FXR1: variants seen among roughly 807,000 people sequenced by gnomAD.
FXR1 encodes the protein FMR1 autosomal homolog 1.
Under a neutral mutation model 84.0 loss-of-function variants are expected in FXR1, and 15 were observed. The observed-to-expected ratio is 0.18, with a 90% CI of 0.12 to 0.27. The LOEUF (loss-of-function observed/expected upper bound fraction) is 0.27, where lower values mean the gene tolerates loss of function less well. FXR1 is among the 10% of genes least tolerant of loss of function. The pLI, the probability that FXR1 is intolerant of heterozygous loss-of-function variation, is 1.00. For synonymous variants in FXR1, 245 were observed against 250.7 expected, an observed-to-expected ratio of 0.98 and a Z score of 0.21; for missense variants, 480 against 774.4, an observed-to-expected ratio of 0.62 and a Z score of 4.51.
At chr3:180,926,763 T>C (rs981705753) in intron 1 of FXR1, among the ~76,000 whole-genome samples, 8 of 151,962 alleles carry the variant, frequency 5.3e-5, no homozygotes, top group African/African-American at 1.9e-4. Context: ...TTTACTCCTT[T>C]ATAAGGAATG....
Position 180,963,169 on chromosome 3 carries a change from T to C in FXR1, c.1198+79T>C. The C allele has an allele frequency of 4.6e-6, 3 of 653,452 alleles. No individual in the cohort carries two copies. The South Asian group carries it at 5.7e-5, about 12-fold the overall frequency. 40.5% of individuals were successfully genotyped at this position (653,452 alleles called of 1,614,324 possible). A position where few individuals can be genotyped will look rare whatever the true frequency, so the allele number is the denominator to read the frequency against. On this transcript the variant is annotated intron_variant, in intron 13 of 16. Transcript: ENST00000357559. ...AGTTTAGGTGCTCTAACACATTTTC[T>C]TATAATTAGTTCATTACTCTGTCTT... is the stretch of plus-strand genomic sequence containing the variant.
rs1217993143 is a variant in FXR1 at position 180,982,264 on chromosome 3, C to A, written c.*5972C>A. On this transcript the variant is annotated 3_prime_UTR_variant, in exon 17 of 17. Coordinates refer to ENST00000357559, the MANE Select transcript of FXR1 (RefSeq NM_005087.4). ...CTGTAAGTACTCAAATGTTACAGAT[C>A]CAAGTATTTTGTAAGAAAATACCAG... 2 of 152,034 alleles carry A rather than the reference C, an allele frequency of 1.3e-5. No homozygotes were observed. The highest frequency in any genetic ancestry group is 1.3e-4 in the Admixed American group (2 of 15,254). 9.4% of individuals were successfully genotyped at this position (152,034 alleles called of 1,614,324 possible).
rs1714531917 is a variant in FXR1, at chr3:180,979,921, A to G, written c.*3629A>G. On this transcript the variant is annotated 3_prime_UTR_variant, in exon 17 of 17. Coordinates refer to ENST00000357559, the MANE Select transcript of FXR1 (RefSeq NM_005087.4). Reference sequence around the variant, plus strand: ...GTAAGGTACACAAAAATTCCCCTGGAAAAACTATATTCTAGTTTTGTAAGA... The same window carrying G: ...GTAAGGTACACAAAAATTCCCCTGGGAAAACTATATTCTAGTTTTGTAAGA... 1 of 152,106 alleles carries G rather than the reference A, an allele frequency of 6.6e-6. No homozygotes were observed. The highest frequency in any genetic ancestry group is 2.4e-5 in the African/African-American group (1 of 41,440). 9.4% of individuals were successfully genotyped at this position (152,106 alleles called of 1,614,324 possible).
chr3:180,923,225 A>T (rs1718789334), intron 1 of FXR1, among the ~76,000 whole-genome samples: 1 of 152,052 alleles, frequency 6.6e-6, no homozygotes, highest in Admixed American at 6.6e-5. Flanking sequence ...CACTTCTAGG[A>T]TTGGGATGAG....
chr3:180,972,774 G>A (rs1030428928), intron 15 of FXR1, among the ~76,000 whole-genome samples: 3 of 152,026 alleles, frequency 2.0e-5, no homozygotes, highest in Non-Finnish European at 2.9e-5. Flanking sequence ...TACTTCTTTG[G>A]GATTACTACT....
chr3:180,944,504 T>A (rs1412311551), intron 3 of FXR1, among the ~76,000 whole-genome samples: 1 of 151,890 alleles, frequency 6.6e-6, no homozygotes, highest in Non-Finnish European at 1.5e-5. Context: ...AAAAAATTTT[T>A]TTTATAGAGA....
chr3:180,968,301 T>A, intron 14 of FXR1, 47 bp downstream of exon 14: 1 of 1,327,180 alleles, frequency 7.5e-7, no homozygotes, highest in Non-Finnish European at 1.1e-6. Flanking sequence ...GTAAACAGTT[T>A]AATTTTACAA....
intron 7 of FXR1, among the ~76,000 whole-genome samples, chr3:180,950,084 A>G (rs1305535281): frequency 3.3e-5 from 5 of 152,156 alleles, no homozygotes; most frequent in African/African-American, 9.7e-5. Flanking sequence ...GCTTATCATT[A>G]TATCTCTGTC....
In FXR1 at chr3:180,935,181, C is replaced by A; in HGVS notation, c.148C>A (p.Pro50Thr). The A allele has an allele frequency of 1.3e-6, 2 of 1,577,716 alleles. No individual in the cohort carries two copies. The highest frequency in any genetic ancestry group is 1.7e-6 in the Non-Finnish European group (2 of 1,147,258). ...RQVPFNEVRLPPPPDIKKEIS... is the reference protein window; with the variant it reads ...RQVPFNEVRLTPPPDIKKEIS... ...GGTTCCATTTAATGAAGTTAGATTA[C>A]CACCACCACCTGATATAAAAAAAGA... The change falls in exon 3 of 17, where the codon CCA becomes ACA. Residue 50 changes from proline to threonine, a missense_variant. Coordinates refer to ENST00000357559, the MANE Select transcript of FXR1 (RefSeq NM_005087.4).
chr3:180,939,361 T>C (rs1720878667), intron 3 of FXR1, among the ~76,000 whole-genome samples: 1 of 152,204 alleles, frequency 6.6e-6, no homozygotes, highest in Non-Finnish European at 1.5e-5. Flanking sequence ...TTAAAATTTT[T>C]CTGGGATTGT....
intron 16 of FXR1, among the ~76,000 whole-genome samples, 169 bp downstream of exon 16, chr3:180,975,573 C>T (rs1714136962): frequency 6.6e-6 from 1 of 152,032 alleles, no homozygotes; most frequent in Non-Finnish European, 1.5e-5. Flanking sequence ...TAAAGATATG[C>T]ATGCTTGAGC....
intron 1 of FXR1, among the ~76,000 whole-genome samples, chr3:180,917,088 G>A (rs991418416): frequency 5.3e-5 from 8 of 152,090 alleles, no homozygotes; most frequent in African/African-American, 1.2e-4. Context: ...TGTCCGCCTC[G>A]GCGTCCCAAG....
intron 1 of FXR1, among the ~76,000 whole-genome samples, chr3:180,922,522 G>T (rs1483837346): frequency 2.0e-5 from 3 of 152,080 alleles, no homozygotes; most frequent in Non-Finnish European, 4.4e-5. Context: ...GGTGTCCTTT[G>T]TCAGTTTTGA....
chr3:180,926,500 A>ATTTTT (rs1261585777), intron 1 of FXR1, among the ~76,000 whole-genome samples: 1 of 51,866 alleles, frequency 1.9e-5, no homozygotes, highest in African/African-American at 1.7e-4. Context: ...ATATATATAT[A>ATTTTT]TATATATTTT....
chr3:180,961,949 GAC>G (rs1487812162), intron 11 of FXR1, among the ~76,000 whole-genome samples: 1 of 152,138 alleles, frequency 6.6e-6, no homozygotes, highest in African/African-American at 2.4e-5. Context: ...AACCAGGAGT[GAC>G]ATTGGGCTTC....
At chr3:180,920,657 A>G (rs1171752228) in intron 1 of FXR1, among the ~76,000 whole-genome samples, 2 of 151,950 alleles carry the variant, frequency 1.3e-5, no homozygotes, top group East Asian at 3.9e-4. Context: ...GATTACAGCC[A>G]TGCACCACCA....
At chr3:180,958,071 A>G (rs1481667880) in intron 10 of FXR1, 143 bp downstream of exon 10, 2 of 452,054 alleles carry the variant, frequency 4.4e-6, no homozygotes, top group Non-Finnish European at 8.0e-6. Flanking sequence ...TATTTCATAC[A>G]CTTAGAAAAC....
chr3:180,933,228 C>A, intron 1 of FXR1, 106 bp from the exon 2 acceptor site: 1 of 677,594 alleles, frequency 1.5e-6, no homozygotes. Flanking sequence ...TAATTCCAAA[C>A]CTTGTGTTCT....
intron 1 of FXR1, among the ~76,000 whole-genome samples, chr3:180,916,929 G>A (rs1369435256): frequency 2.6e-5 from 4 of 152,230 alleles, no homozygotes; most frequent in Admixed American, 2.6e-4. Flanking sequence ...CTGACTCAGT[G>A]GTTCAAGCGA....
Sources: gnomAD v4.1 joint callset for allele counts (sites outside exome capture counted in the v4.1 genomes callset) on GRCh38, gnomAD v4.1.1 for gene constraint, MANE v1.5 for transcripts, NCBI Gene and HGNC (gene_info 2026-07-23, HGNC 2026-07-21) for gene names.